The following STAG1 variants were observed in gnomAD, a reference collection of about 807,000 sequenced individuals.
STAG1 encodes the protein STAG1 cohesin complex component.
Under a neutral mutation model 170.9 loss-of-function variants are expected in STAG1, and 26 were observed. That is an observed-to-expected ratio of 0.15 (90% CI 0.11 to 0.21). The LOEUF (loss-of-function observed/expected upper bound fraction) is 0.21, where lower values mean the gene tolerates loss of function less well. Among genes scored for constraint, STAG1 ranks in the 10% least tolerant of loss-of-function variants. The pLI is 1.00. For missense variants in STAG1, 964 were observed against 1,509.5 expected, an observed-to-expected ratio of 0.64 and a Z score of 5.99; for synonymous variants, 514 against 497.7, an observed-to-expected ratio of 1.03 and a Z score of -0.44.
intron 21 of STAG1, among the ~76,000 whole-genome samples, chr3:136,411,673 A>C (rs575268350): frequency 6.6e-6 from 1 of 152,258 alleles, no homozygotes; most frequent in African/African-American, 2.4e-5. Context: ...AATAAAGGTC[A>C]GGTGTGGTGG....
At chr3:136,751,621 A>G (rs953288506) in intron 1 of STAG1, among the ~76,000 whole-genome samples, 2 of 152,092 alleles carry the variant, frequency 1.3e-5, no homozygotes, top group Non-Finnish European at 1.5e-5. Flanking sequence ...CCCGCCAACA[A>G]GAAGCCTGGG....
At chr3:136,662,443 T>C (rs2107866384) in intron 1 of STAG1, among the ~76,000 whole-genome samples, 1 of 152,050 alleles carries the variant, frequency 6.6e-6, no homozygotes, top group East Asian at 1.9e-4. Context: ...TGAACCACCA[T>C]GCCTGGCCTT....
At chr3:136,469,583 C>T (rs1353166867) in intron 12 of STAG1, among the ~76,000 whole-genome samples, 5 of 152,150 alleles carry the variant, frequency 3.3e-5, no homozygotes, top group East Asian at 1.9e-4. Flanking sequence ...AGATTCAATG[C>T]CATCCCCATC....
At chr3:136,453,778 T>C (rs1014418043) in intron 13 of STAG1, among the ~76,000 whole-genome samples, 4 of 150,236 alleles carry the variant, frequency 2.7e-5, no homozygotes, top group African/African-American at 9.8e-5. Context: ...GGTATATGTA[T>C]ATAGCATGTA....
In STAG1 at chr3:136,369,241, G is replaced by A. The variant is rs1937198787; in HGVS notation, c.2412C>T (p.His804=). The A allele has an allele frequency of 6.2e-7, 1 of 1,602,090 alleles. No individual in the cohort carries two copies. Among genetic ancestry groups the A allele is most frequent in the African/African-American group, 1.4e-5 (1 of 74,042 alleles). Residue 804 remains histidine (H), a synonymous_variant, in exon 24 of 34, where the codon CAC becomes CAT. Transcript: ENST00000383202. ...CCTCTCTGCCACCTGTCATTAATTG[G>A]TGGCTGAAAATCATCAGAAGATCAC... is the stretch of plus-strand genomic sequence containing the variant. ...LLCDLLMIFS[H]QLMTGGREGL...
At chr3:136,468,369 C>T (rs1350757868) in intron 12 of STAG1, among the ~76,000 whole-genome samples, 1 of 152,150 alleles carries the variant, frequency 6.6e-6, no homozygotes, top group African/African-American at 2.4e-5. Context: ...TCAGAGAATA[C>T]TATAAACACC....
chr3:136,440,359 G>A (rs1450473251), intron 15 of STAG1, among the ~76,000 whole-genome samples: 3 of 151,886 alleles, frequency 2.0e-5, no homozygotes, highest in Non-Finnish European at 2.9e-5. Flanking sequence ...GGATGGTCTC[G>A]ATCTCCTGAC....
intron 1 of STAG1, chr3:136,736,813 A>C (rs1397746044): frequency 1.8e-5 from 29 of 1,584,266 alleles, no homozygotes; most frequent in Middle Eastern, 2.3e-4. Context: ...CTACAATTGT[A>C]GGTTTTCCTT....
chr3:136,663,702 A>G (rs1000028028), intron 1 of STAG1, among the ~76,000 whole-genome samples: 25 of 152,242 alleles, frequency 1.6e-4, no homozygotes, highest in African/African-American at 5.8e-4. Context: ...TGGACTGAGC[A>G]TACAAATGTA....
At chr3:136,438,764 C>A (rs1208097325) in intron 15 of STAG1, among the ~76,000 whole-genome samples, 4 of 151,960 alleles carry the variant, frequency 2.6e-5, no homozygotes, top group Admixed American at 2.6e-4. Flanking sequence ...ATATTTGACT[C>A]ATATAGTTAA....
At chr3:136,614,799 AC>A (rs1559910690) in intron 3 of STAG1, among the ~76,000 whole-genome samples, 1 of 151,218 alleles carries the variant, frequency 6.6e-6, no homozygotes, top group Non-Finnish European at 1.5e-5. Flanking sequence ...AAACAAAGAT[AC>A]AAAAACATTC....
intron 1 of STAG1, among the ~76,000 whole-genome samples, chr3:136,678,629 A>C (rs772215347): frequency 3.3e-5 from 5 of 151,914 alleles, no homozygotes; most frequent in Non-Finnish European, 7.4e-5. Flanking sequence ...TTTTGTATCT[A>C]GGGAAAAGTA....
chr3:136,436,884 A>G (rs1186862142), intron 15 of STAG1, among the ~76,000 whole-genome samples: 1 of 152,256 alleles, frequency 6.6e-6, no homozygotes, highest in Non-Finnish European at 1.5e-5. Flanking sequence ...GTCTTTTAAA[A>G]AAACACATGA....
intron 7 of STAG1, among the ~76,000 whole-genome samples, chr3:136,513,830 G>A (rs1247908997): frequency 6.6e-6 from 1 of 151,788 alleles, no homozygotes; most frequent in African/African-American, 2.4e-5. Context: ...GAAAACAAAA[G>A]ATAATAGGGG....
chr3:136,711,811 A>T (rs1943389299), intron 1 of STAG1, among the ~76,000 whole-genome samples: 1 of 152,198 alleles, frequency 6.6e-6, no homozygotes, highest in Non-Finnish European at 1.5e-5. Flanking sequence ...AAAAAAAAAT[A>T]AAACTTGACC....
chr3:136,725,279 G>GGTGT (rs10675753), intron 1 of STAG1, among the ~76,000 whole-genome samples: 40,425 of 150,804 alleles, frequency 0.27, 5,355 homozygotes, highest in Middle Eastern at 0.32. Context: ...AAATTATACG[G>GGTGT]GTGTGTGTGT....
At chr3:136,748,025 T>C (rs1218031474) in intron 1 of STAG1, among the ~76,000 whole-genome samples, 1 of 151,610 alleles carries the variant, frequency 6.6e-6, no homozygotes, top group Non-Finnish European at 1.5e-5. Flanking sequence ...TCCACCCACC[T>C]TGGCCTCCCA....
At chr3:136,387,141 T>TACAAAA (rs2086892962) in intron 22 of STAG1, among the ~76,000 whole-genome samples, 1 of 152,258 alleles carries the variant, frequency 6.6e-6, no homozygotes, top group African/African-American at 2.4e-5. Flanking sequence ...GGCCACTGGT[T>TACAAAA]GGCAAACTTT....
At chr3:136,654,433 A>G (rs1941309422) in intron 1 of STAG1, among the ~76,000 whole-genome samples, 1 of 152,212 alleles carries the variant, frequency 6.6e-6, no homozygotes, top group African/African-American at 2.4e-5. Flanking sequence ...AACTTAACCA[A>G]CAAGGTGAAA....
Sources: gnomAD v4.1 joint callset for allele counts (sites outside exome capture counted in the v4.1 genomes callset) on GRCh38, gnomAD v4.1.1 for gene constraint, MANE v1.5 for transcripts, NCBI Gene and HGNC (gene_info 2026-07-23, HGNC 2026-07-21) for gene names.